The following CXCR1 variants were observed in gnomAD, a reference collection of about 807,000 sequenced individuals.
CXCR1 encodes C-X-C chemokine receptor type 1.
For synonymous variants in CXCR1, 180 were observed against 184.7 expected (o/e 0.97, Z 0.21); for missense variants, 419 against 440.5 (o/e 0.95, Z 0.44).
Position 218,164,007 on chromosome 2 carries a change from T to G in CXCR1, c.*152A>C, listed in dbSNP as rs890993664. 3.3e-6 allele frequency: 3 copies of G among 920,836 alleles called. No homozygotes were observed. The highest frequency in any genetic ancestry group is 1.6e-5 in the African/African-American group (1 of 61,382). The allele number at this position is 920,836 out of a possible 1,614,324, so 57.0% of individuals were successfully genotyped here. ...CTCCTCAGAAGGTTGGTGTGGCCCC[T>G]GAAGACACCAGTTCCTAACTTCCCC... On this transcript the variant is annotated 3_prime_UTR_variant, in exon 2 of 2. Transcript: ENST00000295683.
rs1238095071 is a variant in CXCR1 at position 218,164,971 on chromosome 2, G to A, written c.241C>T (p.Leu81=). 1 of 1,614,252 alleles carries A rather than the reference G, an allele frequency of 6.2e-7. No individual in the cohort carries two copies. The highest frequency in any genetic ancestry group is 1.7e-5 in the Admixed American group (1 of 60,032). The change falls in exon 2 of 2, where the codon CTG becomes TTG. Residue 81 remains leucine, a synonymous_variant. Coordinates refer to ENST00000295683, the MANE Select transcript of CXCR1 (RefSeq NM_000634.3). ...RSVTDVYLLN[L]ALADLLFALT... is the part of the protein sequence containing the mutation. Reference sequence around the variant, plus strand: ...GCAAAGAGTAGGTCGGCCAAGGCCAGGTTCAGCAGGTAGACATCAGTGACG... The same window carrying A: ...GCAAAGAGTAGGTCGGCCAAGGCCAAGTTCAGCAGGTAGACATCAGTGACG...
In CXCR1 at chr2:218,164,610, A is replaced by G. The variant is rs988749162; in HGVS notation, c.602T>C (p.Val201Ala). The change falls in exon 2 of 2, where the codon GTG becomes GCG. Residue 201 changes from valine to alanine, a missense_variant. Val to Ala is a moderately conservative substitution (Grantham distance 64). Coordinates refer to ENST00000295683, the MANE Select transcript of CXCR1 (RefSeq NM_000634.3). ...LGNDTAKWRMVLRILPHTFGF... is the reference protein window; with the variant it reads ...LGNDTAKWRMALRILPHTFGF... ...AAAGGTGTGAGGCAGGATCCGCAACACCATCCGCCATTTTGCTGTGTCATT... is the reference window on the plus strand; with the variant it reads ...AAAGGTGTGAGGCAGGATCCGCAACGCCATCCGCCATTTTGCTGTGTCATT... 1 of 1,614,066 alleles carries G rather than the reference A, an allele frequency of 6.2e-7. No individual in the cohort carries two copies. Among genetic ancestry groups the G allele is most frequent in the African/African-American group, 1.3e-5 (1 of 74,910 alleles).
At position 218,164,263 on chromosome 2, in the gene CXCR1, G is replaced by T. The variant is rs553514759; in HGVS notation, c.949C>A (p.Leu317Ile). Reference sequence around the variant, plus strand: ...AGGCCATGCATAGCCAGGATCTTGAGGAATCCATGGCGAAAATTTTGGCCG... The same window carrying T: ...AGGCCATGCATAGCCAGGATCTTGATGAATCCATGGCGAAAATTTTGGCCG... ...FIGQNFRHGF[L>I]KILAMHGLVS... The change falls in exon 2 of 2, where the codon CTC becomes ATC. Residue 317 changes from leucine to isoleucine, a missense_variant. Transcript: ENST00000295683. The T allele has an allele frequency of 6.2e-7, 1 of 1,612,786 alleles. No homozygotes were observed. Among genetic ancestry groups the T allele is most frequent in the East Asian group, 2.2e-5 (1 of 44,826 alleles).
intron 1 of CXCR1, 136 bp from the exon 2 acceptor site, chr2:218,165,380 G>T (rs1380095953): frequency 7.1e-6 from 5 of 701,312 alleles, no homozygotes; most frequent in Non-Finnish European, 9.9e-6. Context: ...TTCCTCCTTT[G>T]ACTCCAACCT....
Position 218,163,796 on chromosome 2 carries a change from GA to G in CXCR1, c.*362del, listed in dbSNP as rs1387605759. On this transcript the variant is annotated 3_prime_UTR_variant, in exon 2 of 2. Coordinates refer to ENST00000295683, the MANE Select transcript of CXCR1 (RefSeq NM_000634.3). ...AGGAGATGCTCCTGTGAGGGTCAAC[GA>G]GAGCATCCAGCCCTCATGAGGACAC... The G allele has an allele frequency of 3.7e-4, 109 of 296,400 alleles. No individual in the cohort carries two copies. The highest frequency in any genetic ancestry group is 1.3e-3 in the Middle Eastern group (1 of 768). 18.4% of individuals were successfully genotyped at this position (296,400 alleles called of 1,614,324 possible).
Position 218,164,701 on chromosome 2 carries a change from A to C in CXCR1, c.511T>G (p.Phe171Val). ...TGGTAAGCCTGGCGGAAAAGGAAGAAGGGCAGGGACAGATTCATAGACAGT... is the reference window on the plus strand; with the variant it reads ...TGGTAAGCCTGGCGGAAAAGGAAGACGGGCAGGGACAGATTCATAGACAGT... ...WGLSMNLSLP[F>V]FLFRQAYHPN... is the part of the protein sequence containing the mutation. Residue 171 changes from phenylalanine to valine, a missense_variant, in exon 2 of 2, where the codon TTC (phenylalanine) becomes GTC (valine). Transcript: ENST00000295683. 6.2e-7 allele frequency: 1 copy of C among 1,614,238 alleles called. No homozygotes were observed. The highest frequency in any genetic ancestry group is 8.5e-7 in the Non-Finnish European group (1 of 1,180,032).
rs957168515 is a variant in CXCR1, at chr2:218,163,927, T to C, written c.*232A>G. On this transcript the variant is annotated 3_prime_UTR_variant, in exon 2 of 2. Transcript: ENST00000295683. ...AAGATGTGACGTTCAACGGGAATGA[T>C]GGTGCTTCGTTTCCATGGAGGTGCA... The C allele has an allele frequency of 1.8e-6, 1 of 558,094 alleles. No individual in the cohort carries two copies. Among genetic ancestry groups the C allele is most frequent in the South Asian group, 2.0e-5 (1 of 49,946 alleles). The allele number at this position is 558,094 out of a possible 1,614,324, so 34.6% of individuals were successfully genotyped here. A position where few individuals can be genotyped will look rare whatever the true frequency, so the allele number is the denominator to read the frequency against.
At chr2:218,166,116 T>C (rs1691280046) in intron 1 of CXCR1, among the ~76,000 whole-genome samples, 1 of 152,088 alleles carries the variant, frequency 6.6e-6, no homozygotes, top group Non-Finnish European at 1.5e-5. Flanking sequence ...CCGAGGTTGG[T>C]TGTAAAGACA....
Position 218,164,209 on chromosome 2 carries a change from G to A in CXCR1, c.1003C>T (p.Arg335Cys), listed in dbSNP as rs16858808. ...GACGAAGAAGTGTAGGAGGTAACAC[G>A]ATGACGTGCCAAGAACTCCTTGCTG... ...LVSKEFLARH[R>C]VTSYTSSSVN... Residue 335 changes from arginine (R) to cysteine (C), a missense_variant, in exon 2 of 2, where the codon CGT becomes TGT. Coordinates refer to ENST00000295683, the MANE Select transcript of CXCR1 (RefSeq NM_000634.3). The A allele has an allele frequency of 0.028, 45,846 of 1,614,124 alleles. 790 individuals carry two copies. The highest frequency in any genetic ancestry group is 0.03 in the Middle Eastern group (184 of 6,062).
At chr2:218,165,503 C>A (rs1691268364) in intron 1 of CXCR1, among the ~76,000 whole-genome samples, 1 of 152,244 alleles carries the variant, frequency 6.6e-6, no homozygotes, top group African/African-American at 2.4e-5. Flanking sequence ...CCTAGCTCAA[C>A]CTACAACTGC....
Position 218,164,278 on chromosome 2 carries a change from A to C in CXCR1, c.934T>G (p.Phe312Val). ...AGGATCTTGAGGAATCCATGGCGAA[A>C]ATTTTGGCCGATGAAGGCGTAGATG... Reference protein sequence around the residue: ...PIIYAFIGQNFRHGFLKILAM... With the variant: ...PIIYAFIGQNVRHGFLKILAM... Residue 312 changes from phenylalanine to valine, a missense_variant, in exon 2 of 2, where the codon TTT (phenylalanine) becomes GTT (valine). By Grantham distance (50) the Phe-to-Val change is conservative. Coordinates refer to ENST00000295683, the MANE Select transcript of CXCR1 (RefSeq NM_000634.3). 4.3e-6 allele frequency: 7 copies of C among 1,612,128 alleles called. No homozygotes were observed. Among genetic ancestry groups the C allele is most frequent in the Non-Finnish European group, 5.9e-6 (7 of 1,178,298 alleles).
At position 218,164,507 on chromosome 2, in the gene CXCR1, C is replaced by T. The variant is rs751996532; in HGVS notation, c.705G>A (p.Gly235=). The T allele has an allele frequency of 1.2e-6, 2 of 1,614,186 alleles. No homozygotes were observed. Among genetic ancestry groups the T allele is most frequent in the Non-Finnish European group, 8.5e-7 (1 of 1,180,038 alleles). ...TGACCCTCATGGCTCGGTGCTTCTGCCCCATGTGGGCCTTAAACAGTGTAC... is the reference window on the plus strand; with the variant it reads ...TGACCCTCATGGCTCGGTGCTTCTGTCCCATGTGGGCCTTAAACAGTGTAC... ...TLRTLFKAHM[G]QKHRAMRVIF... Residue 235 remains glycine, a synonymous_variant, in exon 2 of 2, where the codon GGG becomes GGA. Coordinates refer to ENST00000295683, the MANE Select transcript of CXCR1 (RefSeq NM_000634.3).
At chr2:218,166,405 T>G (rs1691284661) in intron 1 of CXCR1, among the ~76,000 whole-genome samples, 1 of 152,116 alleles carries the variant, frequency 6.6e-6, no homozygotes, top group African/African-American at 2.4e-5. Flanking sequence ...GCCACAGTAC[T>G]ACAGCCTAGG....
rs16858806 is a variant in CXCR1, at chr2:218,164,187, G to A, written c.1025C>T (p.Ser342Leu). The change falls in exon 2 of 2, where the codon TCG becomes TTG. Residue 342 changes from serine to leucine, a missense_variant. Ser to Leu is a moderately radical substitution (Grantham distance 145). Transcript: ENST00000295683. Reference protein sequence around the residue: ...ARHRVTSYTSSSVNVSSNL With the variant: ...ARHRVTSYTSLSVNVSSNL ...GAGGTTGGAAGAGACATTGACAGAC[G>A]AAGAAGTGTAGGAGGTAACACGATG... The A allele has an allele frequency of 2.0e-3, 3,238 of 1,614,070 alleles. 56 individuals are homozygous for A. The African/African-American group carries it at 0.034, about 17-fold the overall frequency.
Position 218,163,124 on chromosome 2 carries a change from G to A in CXCR1, c.*1035C>T, listed in dbSNP as rs951317973. ...ACTTGTGGACAAAGGGATCTTCCTT[G>A]GCCAGGGGTATGGGCATGAACAGGA... On this transcript the variant is annotated 3_prime_UTR_variant, in exon 2 of 2. Coordinates refer to ENST00000295683, the MANE Select transcript of CXCR1 (RefSeq NM_000634.3). The A allele has an allele frequency of 6.6e-6, 1 of 152,434 alleles. No homozygotes were observed. Among genetic ancestry groups the A allele is most frequent in the Non-Finnish European group, 1.5e-5 (1 of 68,104 alleles). 9.4% of individuals were successfully genotyped at this position (152,434 alleles called of 1,614,324 possible).
At position 218,164,841 on chromosome 2, in the gene CXCR1, C is replaced by T. The variant is rs746350054; in HGVS notation, c.371G>A (p.Gly124Asp). The T allele has an allele frequency of 6.8e-6, 11 of 1,614,094 alleles. No homozygotes were observed. The South Asian group carries it at 1.2e-4, about 18-fold the overall frequency. ...ACTGATGCAGGCCAACAGCAGGATGCCACTGTAGAAGTTGACTTCCTTCAG... is the reference window on the plus strand; with the variant it reads ...ACTGATGCAGGCCAACAGCAGGATGTCACTGTAGAAGTTGACTTCCTTCAG... ...SLLKEVNFYS[G>D]ILLLACISVD... The change falls in exon 2 of 2, where the codon GGC (glycine) becomes GAC (aspartate). Residue 124 changes from glycine to aspartate, a missense_variant. Transcript: ENST00000295683.
At chr2:218,166,385 C>A (rs1691284144) in intron 1 of CXCR1, among the ~76,000 whole-genome samples, 1 of 152,050 alleles carries the variant, frequency 6.6e-6, no homozygotes, top group Non-Finnish European at 1.5e-5. Flanking sequence ...TTGCAGTGAG[C>A]CGAGATCGTG....
chr2:218,164,342 A>G lies in CXCR1; in HGVS notation c.870T>C (p.Thr290=), dbSNP rs1691240523. The G allele has an allele frequency of 6.2e-7, 1 of 1,612,220 alleles. No homozygotes were observed. Among genetic ancestry groups the G allele is most frequent in the East Asian group, 2.2e-5 (1 of 44,814 alleles). Residue 290 remains threonine, a synonymous_variant, in exon 2 of 2, where the codon ACT becomes ACC. Coordinates refer to ENST00000295683, the MANE Select transcript of CXCR1 (RefSeq NM_000634.3). ...AGCTATGGAGAAATCCCAGAATCTC[A>G]GTGGCATCCAGGGCCCGGCCGATGT... ...RNNIGRALDA[T]EILGFLHSCL...
Position 218,163,042 on chromosome 2 carries a change from G to A in CXCR1, c.*1117C>T, listed in dbSNP as rs1691216086. On this transcript the variant is annotated 3_prime_UTR_variant, in exon 2 of 2. Transcript: ENST00000295683. ...CTATGCCTAGGCAAGGCCTAACCCA[G>A]AAGATGATGCTCACCTCAGGGTGAA... is the stretch of plus-strand genomic sequence containing the variant. The A allele has an allele frequency of 6.6e-6, 1 of 152,410 alleles. No homozygotes were observed. Among genetic ancestry groups the A allele is most frequent in the Non-Finnish European group, 1.5e-5 (1 of 68,072 alleles). The allele number at this position is 152,410 out of a possible 1,614,324, so 9.4% of individuals were successfully genotyped here. A position where few individuals can be genotyped will look rare whatever the true frequency, so the allele number is the denominator to read the frequency against.
Sources: allele counts gnomAD v4.1 joint callset (sites outside exome capture counted in the v4.1 genomes callset), GRCh38; gene constraint gnomAD v4.1.1; transcripts MANE v1.5; gene names NCBI Gene and HGNC (gene_info 2026-07-23, HGNC 2026-07-21).